MAPK8IP3: variants seen among roughly 807,000 people sequenced by gnomAD.
MAPK8IP3 encodes the protein C-Jun-amino-terminal kinase-interacting protein 3.
MAPK8IP3 carries 49 observed loss-of-function variants against 157.8 expected under a neutral mutation model. That is an observed-to-expected ratio of 0.31 (90% CI 0.25 to 0.39). The LOEUF is 0.39. Ranked by LOEUF, MAPK8IP3 falls within the 10% of genes least tolerant of loss-of-function variation. MAPK8IP3 has a pLI of 1.00. For synonymous variants in MAPK8IP3, 897 were observed against 777.7 expected, an observed-to-expected ratio of 1.15 and a Z score of -2.55; for missense variants, 1,478 against 1,889.4, an observed-to-expected ratio of 0.78 and a Z score of 4.04.
intron 1 of MAPK8IP3, among the ~76,000 whole-genome samples, chr16:1,722,314 G>GT (rs753690341): frequency 2.6e-5 from 4 of 152,128 alleles, no homozygotes; most frequent in Non-Finnish European, 5.9e-5. Context: ...CGCCTCTGTG[G>GT]TTTTCTGCCC....
chr16:1,745,124 G>C, intron 5 of MAPK8IP3: 1 of 985,480 alleles, frequency 1.0e-6, no homozygotes, highest in Non-Finnish European at 1.2e-6. Context: ...GCCAGGGGGA[G>C]TGTCCCATGG....
chr16:1,727,217 G>A (rs903765068), intron 2 of MAPK8IP3, among the ~76,000 whole-genome samples: 18 of 150,890 alleles, frequency 1.2e-4, no homozygotes, highest in Non-Finnish European at 8.8e-5. Flanking sequence ...TGTGTGCGGC[G>A]TCTGAGTGAC....
intron 30 of MAPK8IP3, 21 bp downstream of exon 30, chr16:1,768,399 C>T (rs756523743): frequency 5.6e-6 from 9 of 1,597,764 alleles, no homozygotes; most frequent in African/African-American, 1.3e-5. Flanking sequence ...GCCCCTCCTG[C>T]CATCCACATC....
At position 1,742,236 on chromosome 16, in the gene MAPK8IP3, G is replaced by T. The variant is rs200051152; in HGVS notation, c.603-1096G>T. Among the ~76,000 whole-genome samples, 1 of 152,156 alleles carries T rather than the reference G, an allele frequency of 6.6e-6. No individual in the cohort carries two copies. The highest frequency in any genetic ancestry group is 2.1e-4 in the South Asian group (1 of 4,834). On this transcript the variant is annotated intron_variant, in intron 4 of 31. Coordinates refer to ENST00000610761, the MANE Select transcript of MAPK8IP3 (RefSeq NM_001318852.2). The surrounding 1 kb of genome is among the most constrained non-coding windows in gnomAD (Gnocchi z 5.0). ...CTGGGCTGTTGACTGGAAACCTCCC[G>T]CGGAGGAGGACGTAAAGGGAGACCT... is the stretch of plus-strand genomic sequence containing the variant.
At chr16:1,736,990 G>A (rs1410799150) in intron 4 of MAPK8IP3, among the ~76,000 whole-genome samples, 3 of 79,088 alleles carry the variant, frequency 3.8e-5, no homozygotes, top group Admixed American at 1.6e-4. Context: ...GTGAGCATCC[G>A]TGTGAGCGTG....
chr16:1,744,904 G>A, intron 5 of MAPK8IP3: 1 of 968,270 alleles, frequency 1.0e-6, no homozygotes, highest in Non-Finnish European at 1.2e-6. Flanking sequence ...AGGTTTTGAA[G>A]TTTTTCTAAT....
chr16:1,729,538 G>A lies in MAPK8IP3; in HGVS notation c.562G>A (p.Gly188Arg), dbSNP rs1161352119. 1.9e-6 allele frequency: 3 copies of A among 1,611,812 alleles called. No individual in the cohort carries two copies. Among genetic ancestry groups the A allele is most frequent in the East Asian group, 2.2e-5 (1 of 44,832 alleles). The change falls in exon 4 of 32, where the codon GGA becomes AGA. Residue 188 changes from glycine to arginine, a missense_variant. Physicochemically the swap from Gly to Arg is moderately radical, Grantham distance 125. Coordinates refer to ENST00000610761, the MANE Select transcript of MAPK8IP3 (RefSeq NM_001318852.2). Reference protein sequence around the residue: ...HIERSKMQQVGGNSQTESSLP... With the variant: ...HIERSKMQQVRGNSQTESSLP... ...TGAGAGGTCCAAGATGCAGCAGGTC[G>A]GAGGAAACAGCCAGACCGAGAGCAG...
intron 25 of MAPK8IP3, 62 bp from the exon 26 acceptor site, chr16:1,767,087 C>T (rs1162443263): frequency 1.6e-5 from 26 of 1,596,860 alleles, no homozygotes; most frequent in Admixed American, 8.4e-5. Flanking sequence ...TGTCTCAACC[C>T]GATGCCCTGA....
At chr16:1,733,638 C>A (rs2039461113) in intron 4 of MAPK8IP3, among the ~76,000 whole-genome samples, 1 of 152,250 alleles carries the variant, frequency 6.6e-6, no homozygotes, top group African/African-American at 2.4e-5. Flanking sequence ...GCCCCCGTCC[C>A]TTGGCTCGTC....
intron 4 of MAPK8IP3, among the ~76,000 whole-genome samples, chr16:1,730,674 T>C (rs1369038554): frequency 6.6e-6 from 1 of 152,080 alleles, no homozygotes; most frequent in Non-Finnish European, 1.5e-5. Flanking sequence ...AAACCCCATC[T>C]CTACTAAAAA....
chr16:1,747,389 C>G, intron 6 of MAPK8IP3, 114 bp downstream of exon 6: 1 of 1,428,076 alleles, frequency 7.0e-7, no homozygotes, highest in South Asian at 1.4e-5. Flanking sequence ...AGACGTGTTC[C>G]TCACAGCCCG....
At chr16:1,737,922 CCATCCATGTGAG>C (rs1165758506) in intron 4 of MAPK8IP3, among the ~76,000 whole-genome samples, 1 of 57,286 alleles carries the variant, frequency 1.7e-5, no homozygotes, top group Non-Finnish European at 3.2e-5. Flanking sequence ...GTGTGTGTGA[CCATCCATGTGAG>C]CATCCGTGTG....
chr16:1,768,632 C>A lies in MAPK8IP3; in HGVS notation c.3892+6C>A. The A allele has an allele frequency of 6.2e-7, 1 of 1,606,024 alleles. No homozygotes were observed. The highest frequency in any genetic ancestry group is 8.5e-7 in the Non-Finnish European group (1 of 1,176,834). ...CTACATCGACTTCCGCATTGGTGAG[C>A]GGGGCCCAGGGACAGGGCTGAGGTT... On this transcript the variant is annotated splice_donor_region_variant and intron_variant, in intron 31 of 31. Transcript: ENST00000610761.
At chr16:1,736,680 ATCCGTGTGACCGACCGTGTGAGCG>A (rs2141789608) in intron 4 of MAPK8IP3, among the ~76,000 whole-genome samples, 1 of 39,418 alleles carries the variant, frequency 2.5e-5, no homozygotes. Flanking sequence ...CCGTGTGAGC[ATCCGTGTGACCGACCGTGTGAGCG>A]TCCGTGTGAG....
At chr16:1,720,770 C>A (rs764912771) in intron 1 of MAPK8IP3, among the ~76,000 whole-genome samples, 1 of 152,224 alleles carries the variant, frequency 6.6e-6, no homozygotes, top group Non-Finnish European at 1.5e-5. Context: ...TGCAGCGGCT[C>A]ACGCCTGTAA....
At chr16:1,728,602 A>G (rs1249199606) in intron 2 of MAPK8IP3, among the ~76,000 whole-genome samples, 1 of 145,778 alleles carries the variant, frequency 6.9e-6, no homozygotes, top group Admixed American at 6.7e-5. Flanking sequence ...CACAGAGCTG[A>G]GTGTTCTCCC....
Position 1,761,430 on chromosome 16 carries a change from A to C in MAPK8IP3, c.1539+125A>C, listed in dbSNP as rs1035380586. 4 of 779,014 alleles carry C rather than the reference A, an allele frequency of 5.1e-6. No homozygotes were observed. The East Asian group carries it at 1.0e-4, about 20-fold the overall frequency. 48.3% of individuals were successfully genotyped at this position (779,014 alleles called of 1,614,324 possible). The stretch of plus-strand genomic sequence containing the variant: ...TTCACCATTCACAGGCAGAGCGGCC[A>C]CCATTCACCATTCACAGGCAGAGCG... On this transcript the variant is annotated intron_variant, in intron 13 of 31. Coordinates refer to ENST00000610761, the MANE Select transcript of MAPK8IP3 (RefSeq NM_001318852.2).
rs2040704384 is a variant in MAPK8IP3 at position 1,741,905 on chromosome 16, T to TC, written c.603-1424dup. 6.6e-6 allele frequency among the ~76,000 whole-genome samples: 1 copy of TC among 152,056 alleles called. No individual in the cohort carries two copies. The highest frequency in any genetic ancestry group is 2.4e-5 in the African/African-American group (1 of 41,396). ...GTATGCACCCCACAAAGAGACCCCT[T>TC]CCCAGGGTCATTCTTCATAGCTCCC... On this transcript the variant is annotated intron_variant, in intron 4 of 31. Transcript: ENST00000610761. This position sits in a 1 kb window ranked among gnomAD's most constrained non-coding sequence, Gnocchi z 6.9.
chr16:1,763,608 G>A, intron 16 of MAPK8IP3, 49 bp from the exon 17 acceptor site: 1 of 1,464,448 alleles, frequency 6.8e-7, no homozygotes, highest in Non-Finnish European at 9.1e-7. Context: ...GGGCACTGTG[G>A]GGGCCGCTCA....
Sources: allele counts gnomAD v4.1 joint callset (sites outside exome capture counted in the v4.1 genomes callset), GRCh38; gene constraint gnomAD v4.1.1; non-coding constraint Gnocchi (gnomAD v3.1); transcripts MANE v1.5; gene names NCBI Gene and HGNC (gene_info 2026-07-23, HGNC 2026-07-21).